The following METTL21A variants were observed in gnomAD, a reference collection of about 807,000 sequenced individuals.
METTL21A encodes methyltransferase 21A, HSPA lysine, also known as protein N-lysine methyltransferase METTL21A.
A neutral mutation model predicts 20.9 loss-of-function variants in METTL21A; 22 were observed. That is an observed-to-expected ratio of 1.05 (90% CI 0.75 to 1.50). The LOEUF (loss-of-function observed/expected upper bound fraction) is 1.50. Among genes scored for constraint, METTL21A ranks in the 40% most tolerant of loss-of-function variants. The pLI is 0.00. For missense variants in METTL21A, 271 were observed against 266.8 expected, an observed-to-expected ratio of 1.02 and a Z score of -0.11; for synonymous variants, 93 against 102.0, an observed-to-expected ratio of 0.91 and a Z score of 0.53.
chr2:207,596,258 T>G (rs1319769570), intron 3 of METTL21A, among the ~76,000 whole-genome samples: 1 of 152,198 alleles, frequency 6.6e-6, no homozygotes, highest in Non-Finnish European at 1.5e-5. Context: ...AATGATTAGT[T>G]TGTAAGATTT....
chr2:207,618,208 C>T (rs1160733699), intron 3 of METTL21A, among the ~76,000 whole-genome samples: 4 of 152,116 alleles, frequency 2.6e-5, no homozygotes, highest in African/African-American at 9.7e-5. Flanking sequence ...TGACCCCATC[C>T]CAATTTACAG....
chr2:207,624,513 G>C, intron 1 of METTL21A, 109 bp from the exon 2 acceptor site: 1 of 930,070 alleles, frequency 1.1e-6, no homozygotes, highest in South Asian at 2.6e-5. Context: ...AAGAAAAAAA[G>C]AAACAGGTGG....
At chr2:207,606,914 T>G (rs1448715110), downstream of METTL21A, among the ~76,000 whole-genome samples, 14 of 152,238 alleles carry the variant, frequency 9.2e-5, no homozygotes, top group Admixed American at 9.2e-4. Flanking sequence ...GGTAATTTTG[T>G]TATTCAGCAT....
chr2:207,623,840 G>T (rs2090795260), intron 2 of METTL21A, among the ~76,000 whole-genome samples: 2 of 152,132 alleles, frequency 1.3e-5, no homozygotes, highest in African/African-American at 4.8e-5. Context: ...GCAACAGAAC[G>T]AGACTATGTC....
chr2:207,620,090 A>G (rs2090303096), intron 3 of METTL21A, among the ~76,000 whole-genome samples: 1 of 152,172 alleles, frequency 6.6e-6, no homozygotes, highest in African/African-American at 2.4e-5. Context: ...AACAGAAGAA[A>G]CCTCATTTCC....
chr2:207,617,429 G>C (rs1416638861), intron 3 of METTL21A, among the ~76,000 whole-genome samples: 1 of 152,242 alleles, frequency 6.6e-6, no homozygotes, highest in Non-Finnish European at 1.5e-5. Flanking sequence ...ACGCTTAAAA[G>C]ATGAGGCATG....
exon 2 of METTL21A, chr2:207,624,332 T>C: frequency 4.3e-6 from 7 of 1,614,038 alleles, no homozygotes; most frequent in Non-Finnish European, 5.9e-6. Context: ...GTGGAATTTC[T>C]GCAACCCAAA....
intron 3 of METTL21A, chr2:207,601,922 A>T: frequency 4.7e-6 from 1 of 212,246 alleles, no homozygotes; most frequent in Non-Finnish European, 9.5e-6. Context: ...TAAGTTGGCT[A>T]CACAGTCACT....
At chr2:207,583,380 G>A (rs576776432) in intron 3 of METTL21A, among the ~76,000 whole-genome samples, 5 of 152,216 alleles carry the variant, frequency 3.3e-5, no homozygotes, top group East Asian at 1.9e-4. Flanking sequence ...TTCTTTCTCC[G>A]ACAGAAACTT....
intron 3 of METTL21A, chr2:207,598,169 TGAAA>T (rs1331910541): frequency 1.1e-5 from 2 of 180,840 alleles, no homozygotes; most frequent in East Asian, 9.1e-5. Flanking sequence ...ATTTTTTAAA[TGAAA>T]GAAGTTGTAA....
intron 3 of METTL21A, chr2:207,597,981 G>A (rs552629983): frequency 3.3e-5 from 6 of 182,946 alleles, no homozygotes; most frequent in South Asian, 2.0e-4. Context: ...ACTCATTTAC[G>A]TAAAAAGATA....
chr2:207,600,617 AATC>A (rs2086885684), intron 3 of METTL21A: 1 of 212,288 alleles, frequency 4.7e-6, no homozygotes, highest in Non-Finnish European at 9.5e-6. Context: ...TTTTTTCAAA[AATC>A]ATCCTGGGGG....
intron 3 of METTL21A, among the ~76,000 whole-genome samples, chr2:207,618,354 C>T (rs547643333): frequency 1.3e-5 from 2 of 152,238 alleles, no homozygotes; most frequent in African/African-American, 4.8e-5. Flanking sequence ...ATATAAGATG[C>T]TTTTTCCAAT....
chr2:207,605,269 T>G (rs1490884881), downstream of METTL21A, among the ~76,000 whole-genome samples: 2 of 152,218 alleles, frequency 1.3e-5, no homozygotes, highest in East Asian at 3.8e-4. Context: ...CTCATGGGTG[T>G]GGTCTCTCAT....
At chr2:207,584,376 T>C (rs760870510) in intron 3 of METTL21A, among the ~76,000 whole-genome samples, 2 of 152,200 alleles carry the variant, frequency 1.3e-5, no homozygotes, top group African/African-American at 4.8e-5. Context: ...ATGGATATCT[T>C]ATGGTTTTAA....
intron 3 of METTL21A, chr2:207,602,402 CAGCAAGTAAA>C (rs1559096366): frequency 3.0e-5 from 6 of 201,690 alleles, no homozygotes; most frequent in Middle Eastern, 1.6e-3. Context: ...TTATTCTCAC[CAGCAAGTAAA>C]AGGAAAATGA....
At chr2:207,581,838 T>C (rs1159868986) in exon 4 of METTL21A, 1 of 702,884 alleles carries the variant, frequency 1.4e-6, no homozygotes, top group Non-Finnish European at 2.6e-6. Flanking sequence ...ATAGTCTCCT[T>C]CAGTCTGTGA....
exon 4 of METTL21A, chr2:207,613,204 A>C: frequency 6.2e-7 from 1 of 1,613,962 alleles, no homozygotes. Flanking sequence ...AGAATCACAG[A>C]GTGATTGCTA....
intron 3 of METTL21A, chr2:207,582,916 AAAAT>A (rs1559059255): frequency 5.6e-5 from 13 of 232,366 alleles, no homozygotes; most frequent in Non-Finnish European, 8.7e-5. Flanking sequence ...CAAACAAAAA[AAAAT>A]ATATATATAT....
Sources: gnomAD v4.1 joint callset for allele counts (sites outside exome capture counted in the v4.1 genomes callset) on GRCh38, gnomAD v4.1.1 for gene constraint, MANE v1.5 for transcripts, NCBI Gene and HGNC (gene_info 2026-07-23, HGNC 2026-07-21) for gene names.